The following ARHGAP12 variants were observed in gnomAD, a reference collection of about 807,000 sequenced individuals.
ARHGAP12 encodes the protein Rho GTPase activating protein 12.
Under a neutral mutation model 108.6 loss-of-function variants are expected in ARHGAP12, and 64 were observed. The ratio of observed to expected loss-of-function variants is 0.59; its 90% CI spans 0.48 to 0.73. ARHGAP12 has a LOEUF of 0.73. Among genes scored for constraint, ARHGAP12 ranks in the 30% least tolerant of loss-of-function variants. ARHGAP12 has a pLI of 0.00. For missense variants in ARHGAP12, 940 were observed against 1,005.9 expected (o/e 0.93, Z 0.89); for synonymous variants, 312 against 337.2 (o/e 0.93, Z 0.82).
intron 3 of ARHGAP12, among the ~76,000 whole-genome samples, chr10:31,905,107 T>C (rs1318252215): frequency 1.3e-5 from 2 of 151,992 alleles, no homozygotes; most frequent in Non-Finnish European, 2.9e-5. Context: ...ACAGAATATA[T>C]ACATAAGTAA....
In ARHGAP12 at chr10:31,808,506, G is replaced by T. The variant is rs11008654; in HGVS notation, c.2366+143C>A. 0.016 allele frequency: 10,789 copies of T among 655,346 alleles called. 855 individuals are homozygous for T. In the African/African-American group the frequency reaches 0.17, roughly 10 times the overall value. 40.6% of individuals were successfully genotyped at this position (655,346 alleles called of 1,614,324 possible). On this transcript the variant is annotated intron_variant, in intron 19 of 19. Transcript: ENST00000344936. ...TACCCATGACAGACTGATACTAAAA[G>T]GAGTTGAGTAACTTTTTCAAGTTAC...
chr10:31,839,082 GA>G (rs2132227151), intron 9 of ARHGAP12, among the ~76,000 whole-genome samples: 1 of 152,206 alleles, frequency 6.6e-6, no homozygotes, highest in Non-Finnish European at 1.5e-5. Flanking sequence ...ATCAGCAACA[GA>G]AAAGACTGGG....
chr10:31,873,206 G>T (rs986330523), intron 3 of ARHGAP12, among the ~76,000 whole-genome samples: 1 of 152,014 alleles, frequency 6.6e-6, no homozygotes, highest in East Asian at 1.9e-4. Flanking sequence ...TAATCAGCAC[G>T]CAAATTACTG....
chr10:31,857,646 G>T (rs1836937527), intron 4 of ARHGAP12, among the ~76,000 whole-genome samples: 1 of 152,064 alleles, frequency 6.6e-6, no homozygotes, highest in Admixed American at 6.5e-5. Context: ...TAAAAATATA[G>T]ACACATGATC....
chr10:31,844,828 T>C (rs2808094), intron 6 of ARHGAP12, among the ~76,000 whole-genome samples: 70,125 of 151,632 alleles, frequency 0.46, 16,491 homozygotes, highest in Admixed American at 0.51. Context: ...TCTCTCCTGT[T>C]CCCTACCCAC....
intron 16 of ARHGAP12, 126 bp from the exon 17 acceptor site, chr10:31,809,433 C>T: frequency 1.2e-6 from 1 of 830,082 alleles, no homozygotes; most frequent in Admixed American, 2.2e-5. Context: ...GGCAAATATT[C>T]TTTTTCTCTA....
intron 1 of ARHGAP12, among the ~76,000 whole-genome samples, chr10:31,915,752 G>A (rs1303401857): frequency 1.3e-5 from 2 of 152,038 alleles, no homozygotes; most frequent in Non-Finnish European, 2.9e-5. Flanking sequence ...ATGTGGAAAT[G>A]GAATCATGAA....
intron 13 of ARHGAP12, among the ~76,000 whole-genome samples, chr10:31,815,414 T>C (rs530057054): frequency 6.6e-6 from 1 of 152,220 alleles, no homozygotes; most frequent in Non-Finnish European, 1.5e-5. Flanking sequence ...CTAGGTTCTT[T>C]ATTCTGTTTC....
chr10:31,840,886 A>G (rs1335310030), intron 7 of ARHGAP12, among the ~76,000 whole-genome samples: 1 of 152,112 alleles, frequency 6.6e-6, no homozygotes, highest in Non-Finnish European at 1.5e-5. Flanking sequence ...CATTGAATAA[A>G]AAACTTCAAA....
In ARHGAP12 at chr10:31,845,045, C is replaced by T. The variant is rs567653079; in HGVS notation, c.1171-1459G>A. ...TGCTACACTATTTATTTGGGTCTTC[C>T]TTTATTCTGCTCTGAAAATTTCTTT... is the stretch of plus-strand genomic sequence containing the variant. On this transcript the variant is annotated intron_variant, in intron 6 of 19. Transcript: ENST00000344936. 3.2e-4 allele frequency among the ~76,000 whole-genome samples: 48 copies of T among 152,250 alleles called. No homozygotes were observed. In the Middle Eastern group the frequency reaches 0.014, roughly 43 times the overall value.
chr10:31,826,200 T>A (rs1347669176), intron 11 of ARHGAP12, 104 bp downstream of exon 11: 7 of 765,010 alleles, frequency 9.2e-6, no homozygotes, highest in African/African-American at 5.3e-5. Flanking sequence ...ATTTGCACAC[T>A]AGCTATAACT....
At chr10:31,876,386 G>A (rs1837732522) in intron 3 of ARHGAP12, among the ~76,000 whole-genome samples, 1 of 151,976 alleles carries the variant, frequency 6.6e-6, no homozygotes, top group African/African-American at 2.4e-5. Context: ...GGGTGTGGTG[G>A]CACACACCTG....
intron 4 of ARHGAP12, among the ~76,000 whole-genome samples, chr10:31,857,299 G>T (rs1836924369): frequency 6.6e-6 from 1 of 151,882 alleles, no homozygotes; most frequent in African/African-American, 2.4e-5. Context: ...AGTGATATCG[G>T]GAAACTCCCC....
intron 3 of ARHGAP12, among the ~76,000 whole-genome samples, chr10:31,907,712 T>C (rs1839194472): frequency 6.6e-6 from 1 of 151,924 alleles, no homozygotes. Flanking sequence ...GTGTGGATAC[T>C]TAGACACTTA....
At chr10:31,887,958 G>C (rs1438119615) in intron 3 of ARHGAP12, among the ~76,000 whole-genome samples, 1 of 151,950 alleles carries the variant, frequency 6.6e-6, no homozygotes, top group African/African-American at 2.4e-5. Flanking sequence ...CGCCCGGCCT[G>C]CCCTTCCTAT....
In ARHGAP12 at chr10:31,825,294, CT is replaced by C. The variant is rs1172309968; in HGVS notation, c.1530+1009del. Among the ~76,000 whole-genome samples the C allele has an allele frequency of 6.6e-5, 10 of 152,138 alleles. No homozygotes were observed. In the East Asian group the frequency reaches 1.7e-3, roughly 26 times the overall value. The stretch of plus-strand genomic sequence containing the variant: ...AATTTGCTTAAATTTTATAAATGGA[CT>C]TTTCTTTCATCAAACATAAGATCCA... On this transcript the variant is annotated intron_variant, in intron 11 of 19. Coordinates refer to ENST00000344936, the MANE Select transcript of ARHGAP12 (RefSeq NM_018287.7).
At chr10:31,882,094 T>G (rs542837792) in intron 3 of ARHGAP12, among the ~76,000 whole-genome samples, 1 of 152,094 alleles carries the variant, frequency 6.6e-6, no homozygotes, top group East Asian at 1.9e-4. Flanking sequence ...TTTTGTATTT[T>G]TAGTAGAGAC....
intron 11 of ARHGAP12, among the ~76,000 whole-genome samples, chr10:31,821,554 T>C (rs1274735360): frequency 6.6e-6 from 1 of 152,204 alleles, no homozygotes; most frequent in African/African-American, 2.4e-5. Flanking sequence ...AATTTGTCAT[T>C]AGAAATTATC....
Position 31,854,096 on chromosome 10 carries a change from G to C in ARHGAP12, c.1059C>G (p.Thr353=), listed in dbSNP as rs980989060. The C allele has an allele frequency of 6.2e-7, 1 of 1,613,226 alleles. No individual in the cohort carries two copies. The highest frequency in any genetic ancestry group is 8.5e-7 in the Non-Finnish European group (1 of 1,179,738). ...WSEELDERGH[T]LYTSDYTNEK... ...CATTAGTATAGTCACTGGTATATAA[G>C]GTATGCCCACGTTCATCCAACTCTT... The change falls in exon 5 of 20, where the codon ACC becomes ACG. Residue 353 remains threonine (T), a synonymous_variant. Coordinates refer to ENST00000344936, the MANE Select transcript of ARHGAP12 (RefSeq NM_018287.7).
Sources: gnomAD v4.1 joint callset for allele counts (sites outside exome capture counted in the v4.1 genomes callset) on GRCh38, gnomAD v4.1.1 for gene constraint, MANE v1.5 for transcripts, NCBI Gene and HGNC (gene_info 2026-07-23, HGNC 2026-07-21) for gene names.